The following SCN1A variants were observed in gnomAD, a reference collection of about 807,000 sequenced individuals.
SCN1A encodes sodium voltage-gated channel alpha subunit 1, also known as sodium channel protein type 1 subunit alpha.
SCN1A carries 13 observed loss-of-function variants against 193.7 expected under a neutral mutation model. That is an observed-to-expected ratio of 0.07 (90% CI 0.04 to 0.11). The LOEUF (loss-of-function observed/expected upper bound fraction) is 0.11. Ranked by LOEUF, SCN1A falls within the 10% of genes least tolerant of loss-of-function variation. The pLI is 1.00. For synonymous variants in SCN1A, 781 were observed against 843.6 expected (o/e 0.93, Z 1.29); for missense variants, 1,432 against 2,451.1 (o/e 0.58, Z 8.78).
intron 9 of SCN1A, among the ~76,000 whole-genome samples, chr2:166,049,468 C>T (rs910050322): frequency 1.3e-5 from 2 of 151,942 alleles, no homozygotes; most frequent in African/African-American, 4.8e-5. Flanking sequence ...CATATTCTCA[C>T]ATTTTGCAGA....
At chr2:166,073,186 A>C in intron 4 of SCN1A, 172 bp downstream of exon 4, 1 of 721,758 alleles carries the variant, frequency 1.4e-6, no homozygotes, top group Non-Finnish European at 2.2e-6. Context: ...ATGTTATGAT[A>C]TAATCAATTC....
In SCN1A at chr2:166,045,220, C is replaced by T. The variant is rs201362569; in HGVS notation, c.1485G>A (p.Lys495=). The change falls in exon 13 of 29, where the codon AAG becomes AAA. Residue 495 remains lysine (K), a synonymous_variant. Transcript: ENST00000674923. ...TTTTCTTCCTCCGATTTCTTCTTTC[C>T]TTAGCACTCTTGGAACTCAACTTAG... The part of the protein sequence containing the change: ...EASKLSSKSA[K]ERRNRRKKRK... 1.2e-6 allele frequency: 2 copies of T among 1,614,120 alleles called. No individual in the cohort carries two copies. Among genetic ancestry groups the T allele is most frequent in the Non-Finnish European group, 1.7e-6 (2 of 1,180,024 alleles).
rs913084871 is a variant in SCN1A at position 166,036,537 on chromosome 2, A to C, written c.2947-7T>G. ...CCAGAAAGAGATTCAGGACCTTAAA[A>C]ACAACAAAAACATGATTATAATTTT... On this transcript the variant is annotated splice_polypyrimidine_tract_variant and splice_region_variant and intron_variant, in intron 18 of 28. Coordinates refer to ENST00000674923, the MANE Select transcript of SCN1A (RefSeq NM_001165963.4). 1.6e-5 allele frequency: 26 copies of C among 1,612,676 alleles called. No individual in the cohort carries two copies. The highest frequency in any genetic ancestry group is 2.0e-5 in the Non-Finnish European group (24 of 1,179,204).
At chr2:166,023,973 C>T (rs1002430703) in intron 19 of SCN1A, among the ~76,000 whole-genome samples, 18 of 151,992 alleles carry the variant, frequency 1.2e-4, no homozygotes, top group African/African-American at 4.4e-4. Flanking sequence ...GACAGGGTTT[C>T]ACCATGTTGG....
chr2:165,990,487 G>A lies in SCN1A; in HGVS notation c.*758C>T, dbSNP rs534597326. 2.4e-4 allele frequency: 36 copies of A among 152,444 alleles called. No homozygotes were observed. The highest frequency in any genetic ancestry group is 1.4e-3 in the Admixed American group (21 of 15,258). The allele number at this position is 152,444 out of a possible 1,614,324, so 9.4% of individuals were successfully genotyped here. The stretch of plus-strand genomic sequence containing the variant: ...TTATGACTCCAAACATTTGAATGAA[G>A]TTTGCACCTGCTAAGATTTACTGGC... On this transcript the variant is annotated 3_prime_UTR_variant, in exon 29 of 29. Coordinates refer to ENST00000674923, the MANE Select transcript of SCN1A (RefSeq NM_001165963.4).
intron 18 of SCN1A, 66 bp downstream of exon 18, chr2:166,037,710 G>C: frequency 7.1e-7 from 1 of 1,401,640 alleles, no homozygotes; most frequent in Non-Finnish European, 1.0e-6. Flanking sequence ...GTGCAGGTTA[G>C]TTACATATGT....
chr2:166,064,564 T>G (rs1182127384), intron 4 of SCN1A, among the ~76,000 whole-genome samples: 8 of 152,172 alleles, frequency 5.3e-5, no homozygotes, highest in Non-Finnish European at 1.2e-4. Context: ...TATCTAGTAA[T>G]CTTTTCTTGT....
intron 9 of SCN1A, among the ~76,000 whole-genome samples, chr2:166,049,938 T>C (rs1436126850): frequency 6.6e-6 from 1 of 152,006 alleles, no homozygotes; most frequent in East Asian, 1.9e-4. Flanking sequence ...AAACAATCAA[T>C]GTTGGATTTT....
chr2:166,143,589 A>G (rs1474208080), intron 1 of SCN1A, among the ~76,000 whole-genome samples: 3 of 152,200 alleles, frequency 2.0e-5, no homozygotes, highest in Admixed American at 6.5e-5. Flanking sequence ...TAATCAATGC[A>G]TCTCCAAAAT....
chr2:166,090,591 G>T (rs73026831), intron 2 of SCN1A, among the ~76,000 whole-genome samples: 2,865 of 152,194 alleles, frequency 0.019, 93 homozygotes, highest in African/African-American at 0.065. Flanking sequence ...CTAGTCACCA[G>T]GGTCTACAGC....
At chr2:166,112,959 T>C (rs545281707) in intron 2 of SCN1A, among the ~76,000 whole-genome samples, 3 of 152,330 alleles carry the variant, frequency 2.0e-5, no homozygotes, top group Admixed American at 1.3e-4. Flanking sequence ...TTCCAGGCTG[T>C]TCCTTTACAA....
chr2:165,990,691 A>G lies in SCN1A; in HGVS notation c.*554T>C, dbSNP rs1157523381. On this transcript the variant is annotated 3_prime_UTR_variant, in exon 29 of 29. Coordinates refer to ENST00000674923, the MANE Select transcript of SCN1A (RefSeq NM_001165963.4). ...AGTGCAGCATGCCCTCATGCAAACC[A>G]CGACTTTGTGTAGCTGGGAGGGCCA... is the stretch of plus-strand genomic sequence containing the variant. 1.3e-5 allele frequency: 2 copies of G among 155,224 alleles called. No homozygotes were observed. The highest frequency in any genetic ancestry group is 2.9e-5 in the Non-Finnish European group (2 of 69,694). 9.6% of individuals were successfully genotyped at this position (155,224 alleles called of 1,614,324 possible). A position where few individuals can be genotyped will look rare whatever the true frequency, so the allele number is the denominator to read the frequency against.
chr2:166,105,300 G>T lies in SCN1A; in HGVS notation c.-142+21624C>A, dbSNP rs188969234. 1.2e-4 allele frequency among the ~76,000 whole-genome samples: 18 copies of T among 152,280 alleles called. No individual in the cohort carries two copies. In the East Asian group the frequency reaches 3.5e-3, roughly 29 times the overall value. On this transcript the variant is annotated intron_variant, in intron 2 of 28. Coordinates refer to ENST00000674923, the MANE Select transcript of SCN1A (RefSeq NM_001165963.4). ...AAGTTTAAAATGAGAGAATGAATTTGGTTATTAACAGGGTTACCACCAGGC... is the reference window on the plus strand; with the variant it reads ...AAGTTTAAAATGAGAGAATGAATTTTGTTATTAACAGGGTTACCACCAGGC...
chr2:166,081,831 T>C (rs1685563112), intron 2 of SCN1A, among the ~76,000 whole-genome samples: 1 of 151,972 alleles, frequency 6.6e-6, no homozygotes, highest in African/African-American at 2.4e-5. Context: ...CCAATGCTAT[T>C]GTTATGATCT....
At chr2:166,082,234 T>A (rs1180831627) in intron 2 of SCN1A, among the ~76,000 whole-genome samples, 1 of 152,174 alleles carries the variant, frequency 6.6e-6, no homozygotes, top group African/African-American at 2.4e-5. Context: ...GCAATTTCTT[T>A]GTTTAGAACT....
intron 19 of SCN1A, chr2:166,016,585 A>C (rs1693335670): frequency 6.6e-6 from 1 of 152,034 alleles, no homozygotes; most frequent in Admixed American, 6.6e-5. Flanking sequence ...ATTAACTAAC[A>C]TATTAAGATA....
chr2:165,987,717 G>A lies in SCN1A; in HGVS notation c.*3528C>T, dbSNP rs1573926960. 2.6e-5 allele frequency: 4 copies of A among 152,064 alleles called. No individual in the cohort carries two copies. In the East Asian group the frequency reaches 7.7e-4, roughly 29 times the overall value. The allele number at this position is 152,064 out of a possible 1,614,324, so 9.4% of individuals were successfully genotyped here. ...TACTGACATGACCTCATCATTCTTT[G>A]AAGAATAATTACTTTTTAGCACAGA... is the stretch of plus-strand genomic sequence containing the variant. On this transcript the variant is annotated 3_prime_UTR_variant, in exon 29 of 29. Transcript: ENST00000674923.
rs1689984075 is a variant in SCN1A at position 165,996,006 on chromosome 2, T to G, written c.4581+7A>C. The G allele has an allele frequency of 6.4e-7, 1 of 1,568,306 alleles. No individual in the cohort carries two copies. Among genetic ancestry groups the G allele is most frequent in the Middle Eastern group, 1.7e-4 (1 of 5,942 alleles). On this transcript the variant is annotated splice_region_variant and intron_variant, in intron 27 of 28. Transcript: ENST00000674923. Reference sequence around the variant, plus strand: ...ATTTTTCCCCCATATCATTTGATACTTCTTACTCCTGGTCGAGGTATAGGC... The same window carrying G: ...ATTTTTCCCCCATATCATTTGATACGTCTTACTCCTGGTCGAGGTATAGGC...
chr2:166,037,070 C>G (rs142818146), intron 18 of SCN1A, among the ~76,000 whole-genome samples: 153 of 152,206 alleles, frequency 1.0e-3, no homozygotes, highest in African/African-American at 3.4e-3. Flanking sequence ...TGAATAATCT[C>G]TCATATTTCC....
Sources: gnomAD v4.1 joint callset for allele counts (sites outside exome capture counted in the v4.1 genomes callset) on GRCh38, gnomAD v4.1.1 for gene constraint, MANE v1.5 for transcripts, NCBI Gene and HGNC (gene_info 2026-07-23, HGNC 2026-07-21) for gene names.